The following ZNF827 variants were observed in gnomAD, a reference collection of about 807,000 sequenced individuals.
ZNF827 encodes zinc finger protein 827.
ZNF827 carries 13 observed loss-of-function variants against 102.4 expected under a neutral mutation model. The ratio of observed to expected loss-of-function variants is 0.13; its 90% confidence interval spans 0.08 to 0.20. The LOEUF (loss-of-function observed/expected upper bound fraction) is 0.20. ZNF827 is among the 10% of genes least tolerant of loss of function. ZNF827 has a pLI of 1.00. For synonymous variants in ZNF827, 523 were observed against 536.2 expected (o/e 0.98, Z 0.34); for missense variants, 1,103 against 1,344.4 (o/e 0.82, Z 2.81).
intron 7 of ZNF827, among the ~76,000 whole-genome samples, chr4:145,829,063 A>G (rs1422811376): frequency 1.3e-5 from 2 of 152,218 alleles, no homozygotes; most frequent in African/African-American, 4.8e-5. Flanking sequence ...AGAAAACAGA[A>G]AAGAAGGTGA....
intron 8 of ZNF827, among the ~76,000 whole-genome samples, chr4:145,805,770 C>T (rs1222214113): frequency 6.6e-6 from 1 of 152,160 alleles, no homozygotes; most frequent in Non-Finnish European, 1.5e-5. Flanking sequence ...AGCCTCACCT[C>T]CCTTCCTGCT....
At chr4:145,815,205 C>CAGG (rs1329236876) in intron 8 of ZNF827, among the ~76,000 whole-genome samples, 1 of 152,158 alleles carries the variant, frequency 6.6e-6, no homozygotes, top group African/African-American at 2.4e-5. Context: ...GAAAGAGCTC[C>CAGG]AGGGACCTTG....
intron 5 of ZNF827, among the ~76,000 whole-genome samples, chr4:145,862,379 G>A (rs1747811296): frequency 6.6e-6 from 1 of 152,166 alleles, no homozygotes; most frequent in African/African-American, 2.4e-5. Context: ...GTAATATGTT[G>A]TTTTTACCTT....
chr4:145,803,392 A>G (rs1741107769), intron 8 of ZNF827, among the ~76,000 whole-genome samples: 3 of 152,072 alleles, frequency 2.0e-5, no homozygotes, highest in African/African-American at 4.8e-5. Flanking sequence ...TGAAAAAAAA[A>G]TGAGCTCAAG....
chr4:145,812,796 C>T (rs570533652), intron 8 of ZNF827, among the ~76,000 whole-genome samples: 105 of 152,176 alleles, frequency 6.9e-4, no homozygotes, highest in Non-Finnish European at 6.0e-4. Flanking sequence ...CCAAAGTGCT[C>T]GGATTACAGG....
chr4:145,868,588 A>T (rs1008097767), intron 5 of ZNF827, among the ~76,000 whole-genome samples: 20 of 152,230 alleles, frequency 1.3e-4, no homozygotes, highest in Non-Finnish European at 2.5e-4. Flanking sequence ...TGTTTGGGGG[A>T]TATCATTATT....
chr4:145,887,977 C>T (rs1297794576), intron 3 of ZNF827, among the ~76,000 whole-genome samples: 1 of 152,182 alleles, frequency 6.6e-6, no homozygotes, highest in Non-Finnish European at 1.5e-5. Flanking sequence ...AACAGAAGCT[C>T]CGGAAGCAGC....
intron 7 of ZNF827, 132 bp downstream of exon 7, chr4:145,845,824 A>G (rs1745873889): frequency 1.2e-6 from 1 of 820,768 alleles, no homozygotes; most frequent in African/African-American, 1.7e-5. Context: ...ATTCTGGTAG[A>G]ACATGGTGGT....
chr4:145,780,703 A>G (rs930661602), intron 8 of ZNF827, among the ~76,000 whole-genome samples: 1 of 152,240 alleles, frequency 6.6e-6, no homozygotes, highest in African/African-American at 2.4e-5. Flanking sequence ...AGACACTTCT[A>G]AAAGGACACT....
At chr4:145,795,273 G>A (rs921123602) in intron 8 of ZNF827, among the ~76,000 whole-genome samples, 1 of 152,094 alleles carries the variant, frequency 6.6e-6, no homozygotes, top group Non-Finnish European at 1.5e-5. Flanking sequence ...TCAGCCTTCC[G>A]AGCAGCTGGG....
intron 2 of ZNF827, among the ~76,000 whole-genome samples, chr4:145,895,707 C>T (rs1374469611): frequency 6.6e-6 from 1 of 152,046 alleles, no homozygotes; most frequent in Non-Finnish European, 1.5e-5. Flanking sequence ...ATTTTAGAGA[C>T]GTTCTCCATG....
chr4:145,926,680 T>G (rs764594841), intron 1 of ZNF827, among the ~76,000 whole-genome samples: 34 of 152,352 alleles, frequency 2.2e-4, no homozygotes, highest in Non-Finnish European at 4.1e-4. Flanking sequence ...GTTTAATTAT[T>G]TATACTAAGC....
Position 145,849,569 on chromosome 4 carries a change from T to C in ZNF827, c.1982-8A>G. On this transcript the variant is annotated splice_region_variant and splice_polypyrimidine_tract_variant and intron_variant, in intron 5 of 14. Coordinates refer to ENST00000508784, the MANE Select transcript of ZNF827 (RefSeq NM_001306215.2). Reference sequence around the variant, plus strand: ...TTTCCTTGTAGCTTTCCGCTGCAAGTAGGTGAATGAAGAGAAACAAAAACA... The same window carrying C: ...TTTCCTTGTAGCTTTCCGCTGCAAGCAGGTGAATGAAGAGAAACAAAAACA... 1 of 1,613,382 alleles carries C rather than the reference T, an allele frequency of 6.2e-7. No homozygotes were observed. Among genetic ancestry groups the C allele is most frequent in the Non-Finnish European group, 8.5e-7 (1 of 1,179,458 alleles).
At chr4:145,889,741 C>T (rs988186787) in intron 3 of ZNF827, among the ~76,000 whole-genome samples, 4 of 152,122 alleles carry the variant, frequency 2.6e-5, no homozygotes, top group African/African-American at 9.7e-5. Context: ...CTCTGGGAGA[C>T]CGAGGCAAGT....
chr4:145,856,247 G>C (rs564009286), intron 5 of ZNF827, among the ~76,000 whole-genome samples: 2 of 151,962 alleles, frequency 1.3e-5, no homozygotes, highest in Non-Finnish European at 2.9e-5. Context: ...CTGTCCTCTC[G>C]GTCCCCCAAA....
intron 8 of ZNF827, among the ~76,000 whole-genome samples, chr4:145,798,641 G>A (rs910267231): frequency 1.3e-5 from 2 of 151,980 alleles, no homozygotes; most frequent in African/African-American, 2.4e-5. Flanking sequence ...CACTCCAGCC[G>A]GGGTGACAAG....
intron 11 of ZNF827, chr4:145,771,150 T>G (rs935689557): frequency 6.6e-6 from 1 of 152,250 alleles, no homozygotes; most frequent in Non-Finnish European, 1.5e-5. Flanking sequence ...GAATACTCTA[T>G]GTAGTAAATA....
intron 7 of ZNF827, among the ~76,000 whole-genome samples, chr4:145,826,892 G>A (rs11733575): frequency 0.13 from 19,458 of 152,084 alleles, 1,658 homozygotes; most frequent in Admixed American, 0.24. Context: ...GATTACAGGC[G>A]TGTGCCACCA....
intron 7 of ZNF827, 34 bp downstream of exon 7, chr4:145,845,922 G>A (rs746394473): frequency 6.4e-5 from 104 of 1,612,488 alleles, no homozygotes; most frequent in Middle Eastern, 1.6e-4. Flanking sequence ...GCCCACACGG[G>A]GTGTTCTGGA....
Sources: allele counts gnomAD v4.1 joint callset (sites outside exome capture counted in the v4.1 genomes callset), GRCh38; gene constraint gnomAD v4.1.1; transcripts MANE v1.5; gene names NCBI Gene and HGNC (gene_info 2026-07-23, HGNC 2026-07-21).